Variants in TECRL observed in about 807,000 individuals in gnomAD.
TECRL encodes the protein trans-2,3-enoyl-CoA reductase like, also known as trans-2,3-enoyl-CoA reductase-like.
A neutral mutation model predicts 52.8 loss-of-function variants in TECRL; 63 were observed. That is an observed-to-expected ratio of 1.19 (90% CI 0.97 to 1.47). The LOEUF (loss-of-function observed/expected upper bound fraction) is 1.47. TECRL is among the 40% of genes most tolerant of loss of function. The pLI, the probability that TECRL is intolerant of heterozygous loss-of-function variation, is 0.00. For synonymous variants in TECRL, 164 were observed against 141.9 expected (o/e 1.16, Z -1.10); for missense variants, 482 against 429.6 (o/e 1.12, Z -1.08).
chr4:64,397,462 A>G (rs1724032339), intron 1 of TECRL, among the ~76,000 whole-genome samples: 1 of 151,518 alleles, frequency 6.6e-6, no homozygotes, highest in African/African-American at 2.4e-5. Context: ...AGATGATGGT[A>G]TTGGGAGGTG....
chr4:64,355,204 A>G (rs1229977262), intron 2 of TECRL, among the ~76,000 whole-genome samples: 1 of 152,192 alleles, frequency 6.6e-6, no homozygotes, highest in Non-Finnish European at 1.5e-5. Flanking sequence ...GTAATATACT[A>G]GAATGACATG....
intron 1 of TECRL, among the ~76,000 whole-genome samples, chr4:64,377,973 A>G (rs922907): frequency 0.9 from 136,103 of 152,038 alleles, 61,640 homozygotes; most frequent in East Asian, 1. Context: ...TCATTTGATG[A>G]GGTTTTTGTA....
At chr4:64,386,812 A>G (rs936117872) in intron 1 of TECRL, among the ~76,000 whole-genome samples, 1 of 152,152 alleles carries the variant, frequency 6.6e-6, no homozygotes, top group Non-Finnish European at 1.5e-5. Context: ...GCAATGTTGA[A>G]GAGAAGGACC....
intron 11 of TECRL, among the ~76,000 whole-genome samples, chr4:64,280,518 C>T (rs1299522520): frequency 6.6e-6 from 1 of 151,954 alleles, no homozygotes; most frequent in Non-Finnish European, 1.5e-5. Context: ...TATAATATTC[C>T]TCTACATGCA....
chr4:64,280,164 A>G lies in TECRL; in HGVS notation c.1000T>C (p.Ser334Pro), dbSNP rs1230764060. 3 of 1,597,334 alleles carry G rather than the reference A, an allele frequency of 1.9e-6. No individual in the cohort carries two copies. The highest frequency in any genetic ancestry group is 1.1e-5 in the South Asian group (1 of 87,238). Residue 334 changes from serine (S) to proline (P), a missense_variant, in exon 12 of 12, where the codon TCT becomes CCT. By Grantham distance (74) the Ser-to-Pro change is moderately conservative. Transcript: ENST00000381210. ...IFTLLMSIQMSLWAQKKHKIY... is the reference protein window; with the variant it reads ...IFTLLMSIQMPLWAQKKHKIY... ...TTATGTTTCTTTTGTGCCCACAAAG[A>G]CATCTGGATACTCATCAGAAGTGTA...
In TECRL at chr4:64,396,192, T is replaced by C. The variant is rs1350764025; in HGVS notation, c.234+12926A>G. 4.6e-5 allele frequency among the ~76,000 whole-genome samples: 7 copies of C among 152,194 alleles called. 1 individual carries two copies. In the East Asian group the frequency reaches 1.3e-3, roughly 29 times the overall value. On this transcript the variant is annotated intron_variant, in intron 1 of 11. Transcript: ENST00000381210. ...ATTTATATTCCTGTGGAAATATGAA[T>C]GGAATTTCTGGGCTGAATGGTAGTT...
At chr4:64,311,148 G>A (rs1716973129) in intron 5 of TECRL, among the ~76,000 whole-genome samples, 1 of 152,158 alleles carries the variant, frequency 6.6e-6, no homozygotes, top group African/African-American at 2.4e-5. Context: ...ATGATTTCTG[G>A]TACGAGTAGG....
intron 2 of TECRL, among the ~76,000 whole-genome samples, chr4:64,352,201 GAC>G (rs1175048630): frequency 3.3e-5 from 5 of 152,044 alleles, no homozygotes; most frequent in African/African-American, 2.4e-5. Flanking sequence ...ACCAATAACA[GAC>G]ACACAAAAAA....
At chr4:64,363,143 C>A (rs781363696) in intron 2 of TECRL, among the ~76,000 whole-genome samples, 18 of 152,062 alleles carry the variant, frequency 1.2e-4, no homozygotes, top group Non-Finnish European at 2.2e-4. Flanking sequence ...ACTTAACTAT[C>A]CTAAATATAT....
At chr4:64,370,199 C>T (rs1721884727) in intron 2 of TECRL, among the ~76,000 whole-genome samples, 1 of 151,696 alleles carries the variant, frequency 6.6e-6, no homozygotes, top group Non-Finnish European at 1.5e-5. Flanking sequence ...GATGCTATAA[C>T]ATTGGTAGAA....
intron 8 of TECRL, among the ~76,000 whole-genome samples, chr4:64,292,271 G>GTT (rs1723434240): frequency 6.6e-6 from 1 of 151,984 alleles, no homozygotes; most frequent in South Asian, 2.1e-4. Context: ...TTGGCATACA[G>GTT]TAAGTTTAAA....
rs1005262945 is a variant in TECRL, at chr4:64,325,255, C to T, written c.332-2463G>A. 5.3e-5 allele frequency among the ~76,000 whole-genome samples: 8 copies of T among 152,200 alleles called. 1 individual carries two copies. In the East Asian group the frequency reaches 1.3e-3, roughly 26 times the overall value. On this transcript the variant is annotated intron_variant, in intron 3 of 11. Coordinates refer to ENST00000381210, the MANE Select transcript of TECRL (RefSeq NM_001010874.5). Reference sequence around the variant, plus strand: ...CAAACATAAAATGCAAAAGGGTGCTCTCACCATTATTCCATCTGCGATGAG... The same window carrying T: ...CAAACATAAAATGCAAAAGGGTGCTTTCACCATTATTCCATCTGCGATGAG...
intron 8 of TECRL, among the ~76,000 whole-genome samples, chr4:64,297,554 T>C (rs1335680542): frequency 6.6e-6 from 1 of 151,096 alleles, no homozygotes. Context: ...GATTGTACTA[T>C]CTACTGTTAG....
intron 8 of TECRL, among the ~76,000 whole-genome samples, chr4:64,295,763 T>C (rs1356662356): frequency 6.6e-6 from 1 of 151,916 alleles, no homozygotes; most frequent in African/African-American, 2.4e-5. Flanking sequence ...TACTCTTATA[T>C]TTCTGCAGTT....
At position 64,289,739 on chromosome 4, in the gene TECRL, T is replaced by C. The variant is rs1388811080; in HGVS notation, c.803A>G (p.Asn268Ser). 16 of 1,551,566 alleles carry C rather than the reference T, an allele frequency of 1.0e-5. No individual in the cohort carries two copies. Among genetic ancestry groups the C allele is most frequent in the South Asian group, 1.3e-5 (1 of 77,858 alleles). Residue 268 changes from asparagine (N) to serine (S), a missense_variant, in exon 9 of 12, where the codon AAT becomes AGT. Transcript: ENST00000381210. The stretch of plus-strand genomic sequence containing the variant: ...GTGATTGGGATGAGACAACATTACA[T>C]TGATGAAATGATTCCCAGCTTCACA... Reference protein sequence around the residue: ...LICEAGNHFINVMLSHPNHTG... With the variant: ...LICEAGNHFISVMLSHPNHTG...
At chr4:64,303,200 T>G (rs1199090478) in intron 7 of TECRL, among the ~76,000 whole-genome samples, 1 of 150,518 alleles carries the variant, frequency 6.6e-6, no homozygotes, top group Non-Finnish European at 1.5e-5. Context: ...AAAGGGAAGT[T>G]TTTTTGCAGC....
At chr4:64,290,235 C>A (rs1329419413) in intron 8 of TECRL, among the ~76,000 whole-genome samples, 1 of 152,138 alleles carries the variant, frequency 6.6e-6, no homozygotes, top group Non-Finnish European at 1.5e-5. Context: ...TGCTGCCACA[C>A]AAAGAAACCT....
intron 1 of TECRL, among the ~76,000 whole-genome samples, chr4:64,403,475 G>GCGCGCACACA (rs59253067): frequency 4.0e-4 from 59 of 148,342 alleles, no homozygotes; most frequent in African/African-American, 7.7e-4. Flanking sequence ...CTCCCTGAGC[G>GCGCGCACACA]CACACACACA....
At chr4:64,400,259 T>C (rs1724261026) in intron 1 of TECRL, among the ~76,000 whole-genome samples, 1 of 152,210 alleles carries the variant, frequency 6.6e-6, no homozygotes, top group African/African-American at 2.4e-5. Context: ...CCACTTTCTT[T>C]TAGTGGGTTT....
Sources: allele counts gnomAD v4.1 joint callset (sites outside exome capture counted in the v4.1 genomes callset), GRCh38; gene constraint gnomAD v4.1.1; transcripts MANE v1.5; gene names NCBI Gene and HGNC (gene_info 2026-07-23, HGNC 2026-07-21).